The following TRAP1 variants were observed in gnomAD, a reference collection of about 807,000 sequenced individuals.
TRAP1 encodes TNF receptor associated protein 1.
A neutral mutation model predicts 89.1 loss-of-function variants in TRAP1; 102 were observed. The observed-to-expected ratio is 1.15, with a 90% CI of 0.98 to 1.35. The LOEUF is 1.35. Among genes scored for constraint, TRAP1 ranks in the 40% most tolerant of loss-of-function variants. The pLI is 0.00. For missense variants in TRAP1, 1,256 were observed against 945.3 expected, an observed-to-expected ratio of 1.33 and a Z score of -4.31; for synonymous variants, 508 against 388.0, an observed-to-expected ratio of 1.31 and a Z score of -3.64.
intron 1 of TRAP1, among the ~76,000 whole-genome samples, chr16:3,705,922 A>T (rs1567245325): frequency 6.6e-6 from 1 of 150,508 alleles, no homozygotes; most frequent in East Asian, 2.0e-4. Context: ...CAAACTCCTG[A>T]CCTCAGGTGA....
chr16:3,666,314 T>C (rs1596701699), intron 11 of TRAP1, among the ~76,000 whole-genome samples, 196 bp from the exon 12 acceptor site: 2 of 151,840 alleles, frequency 1.3e-5, no homozygotes. Context: ...GGCAGCAGGG[T>C]GGAGGGCAGA....
intron 16 of TRAP1, chr16:3,660,223 G>A (rs191504544): frequency 1.3e-5 from 2 of 152,394 alleles, no homozygotes; most frequent in Admixed American, 1.3e-4. Context: ...CATAATCTCT[G>A]CAGAAATACA....
In TRAP1 at chr16:3,662,261, C is replaced by G. The variant is rs533388792; in HGVS notation, c.1795-129G>C. On this transcript the variant is annotated intron_variant, in intron 15 of 17. Transcript: ENST00000246957. ...CGGGGTCTCAAGGACTCCCCTGGACCAGCGCTGCTCCCTCCCCATTACCCA... is the reference window on the plus strand; with the variant it reads ...CGGGGTCTCAAGGACTCCCCTGGACGAGCGCTGCTCCCTCCCCATTACCCA... 363 of 1,098,236 alleles carry G rather than the reference C, an allele frequency of 3.3e-4. 6 individuals carry two copies. In the East Asian group the frequency reaches 9.3e-3, roughly 28 times the overall value. The allele number at this position is 1,098,236 out of a possible 1,614,324, so 68.0% of individuals were successfully genotyped here.
At chr16:3,693,169 G>C (rs1054615732) in intron 1 of TRAP1, among the ~76,000 whole-genome samples, 3 of 151,364 alleles carry the variant, frequency 2.0e-5, no homozygotes, top group African/African-American at 7.3e-5. Flanking sequence ...GGCTGCTCTC[G>C]AACTATTGAC....
Position 3,689,240 on chromosome 16 carries a change from A to T in TRAP1, c.248-103T>A. On this transcript the variant is annotated intron_variant, in intron 2 of 17. Transcript: ENST00000246957. The stretch of plus-strand genomic sequence containing the variant: ...AGAAAGCTTAAGTTTATGAGTTTTA[A>T]ACTTTTTTTTTTTTTTTTTTTTGAG... 5.1e-6 allele frequency: 5 copies of T among 977,706 alleles called. No homozygotes were observed. The South Asian group carries it at 7.1e-5, about 14-fold the overall frequency. 60.6% of individuals were successfully genotyped at this position (977,706 alleles called of 1,614,324 possible). A position where few individuals can be genotyped will look rare whatever the true frequency, so the allele number is the denominator to read the frequency against.
At chr16:3,710,019 T>C (rs2051506799) in intron 1 of TRAP1, among the ~76,000 whole-genome samples, 1 of 152,242 alleles carries the variant, frequency 6.6e-6, no homozygotes, top group African/African-American at 2.4e-5. Context: ...TCTGAGTTCT[T>C]AGCTCTGGCA....
Position 3,679,726 on chromosome 16 carries a change from C to G in TRAP1, c.536G>C (p.Gly179Ala), listed in dbSNP as rs772439496. Residue 179 changes from glycine to alanine, a missense_variant, in exon 5 of 18, where the codon GGG (glycine) becomes GCG (alanine). Gly to Ala is a moderately conservative substitution (Grantham distance 60). Transcript: ENST00000246957. ...TGGGGGCCCCACGCTTACCTTTGACCCCGATCTGGCAATCGTCCCCAGGTT... is the reference window on the plus strand; with the variant it reads ...TGGGGGCCCCACGCTTACCTTTGACGCCGATCTGGCAATCGTCCCCAGGTT... ...VSNLGTIARS[G>A]SKAFLDALQN... The G allele has an allele frequency of 6.2e-7, 1 of 1,614,102 alleles. No homozygotes were observed. The highest frequency in any genetic ancestry group is 2.2e-5 in the East Asian group (1 of 44,880).
At chr16:3,708,856 C>T (rs2051487183) in intron 1 of TRAP1, among the ~76,000 whole-genome samples, 1 of 143,236 alleles carries the variant, frequency 7.0e-6, no homozygotes, top group African/African-American at 2.6e-5. Flanking sequence ...TGCTCTGTTG[C>T]CGAGGCTGGA....
At chr16:3,661,924 G>T (rs1036397056) in intron 16 of TRAP1, 63 bp downstream of exon 16, 3 of 1,512,114 alleles carry the variant, frequency 2.0e-6, no homozygotes, top group Non-Finnish European at 2.6e-6. Context: ...CACAACAAAA[G>T]AACACCACAC....
intron 9 of TRAP1, among the ~76,000 whole-genome samples, chr16:3,673,255 T>C (rs925285680): frequency 6.6e-6 from 1 of 152,234 alleles, no homozygotes; most frequent in South Asian, 2.1e-4. Context: ...GACGTGAAGA[T>C]GAAACTCAAA....
chr16:3,691,044 T>C, intron 1 of TRAP1, 59 bp from the exon 2 acceptor site: 1 of 1,400,530 alleles, frequency 7.1e-7, no homozygotes, highest in African/African-American at 1.5e-5. Flanking sequence ...AACAATATGG[T>C]AATTCGTCCC....
intron 16 of TRAP1, chr16:3,661,262 G>A (rs756826063): frequency 6.6e-6 from 1 of 152,028 alleles, no homozygotes; most frequent in Non-Finnish European, 1.5e-5. Context: ...ACTGTAAAAA[G>A]AAAGAAACTC....
In TRAP1 at chr16:3,717,452, C is replaced by T. The variant is rs1567251424; in HGVS notation, c.57G>A (p.Leu19=). ...LLWGRRLRPL[L]RAPALAAVPG... is the part of the protein sequence containing the mutation. ...GCACGGCCGCCAGCGCCGGCGCCCG[C>T]AGCAAAGGCCGCAGGCGGCGGCCCC... The change falls in exon 1 of 18, where the codon CTG becomes CTA. Residue 19 remains leucine (L), a synonymous_variant. Transcript: ENST00000246957. 1.6e-6 allele frequency: 2 copies of T among 1,285,412 alleles called. No homozygotes were observed. The highest frequency in any genetic ancestry group is 2.0e-6 in the Non-Finnish European group (2 of 1,023,930). The allele number at this position is 1,285,412 out of a possible 1,614,324, so 79.6% of individuals were successfully genotyped here.
At chr16:3,704,434 T>C (rs984705113) in intron 1 of TRAP1, 9 of 152,240 alleles carry the variant, frequency 5.9e-5, no homozygotes, top group Non-Finnish European at 1.3e-4. Context: ...TTTTAAACTA[T>C]TCTCATTCTA....
rs927120990 is a variant in TRAP1 at position 3,672,589 on chromosome 16, G to A, written c.1165+111C>T. 3.7e-5 allele frequency: 53 copies of A among 1,437,188 alleles called. No homozygotes were observed. The African/African-American group carries it at 4.0e-4, about 11-fold the overall frequency. 89.0% of individuals were successfully genotyped at this position (1,437,188 alleles called of 1,614,324 possible). On this transcript the variant is annotated intron_variant, in intron 10 of 17. Coordinates refer to ENST00000246957, the MANE Select transcript of TRAP1 (RefSeq NM_016292.3). ...CACACAGGCAGCGCAGGCCGACGGCGGTGCTCTCGCTGCAGAGGGCTGCTG... is the reference window on the plus strand; with the variant it reads ...CACACAGGCAGCGCAGGCCGACGGCAGTGCTCTCGCTGCAGAGGGCTGCTG...
intron 1 of TRAP1, among the ~76,000 whole-genome samples, chr16:3,707,372 A>T (rs2151282691): frequency 6.6e-6 from 1 of 151,106 alleles, no homozygotes; most frequent in Non-Finnish European, 1.5e-5. Flanking sequence ...TTTTTAGTAG[A>T]GACGGGGTTT....
chr16:3,694,907 G>A (rs2051265923), intron 1 of TRAP1, among the ~76,000 whole-genome samples: 1 of 152,164 alleles, frequency 6.6e-6, no homozygotes, highest in Non-Finnish European at 1.5e-5. Context: ...AGATCAAGGT[G>A]CCACTAGGGC....
intron 1 of TRAP1, among the ~76,000 whole-genome samples, chr16:3,697,081 T>A (rs2051297871): frequency 1.3e-5 from 2 of 152,152 alleles, no homozygotes; most frequent in Non-Finnish European, 2.9e-5. Flanking sequence ...TCCACAGAGA[T>A]CCTATCAGTT....
rs2151258142 is a variant in TRAP1, at chr16:3,677,568, C to T, written c.634G>A (p.Ala212Thr). Residue 212 changes from alanine to threonine, a missense_variant, in exon 6 of 18, where the codon GCT becomes ACT. By Grantham distance (58) the Ala-to-Thr change is moderately conservative (BLOSUM62 0). Transcript: ENST00000246957. Reference sequence around the variant, plus strand: ...CGGGAATAGACCTCCACTCTGTCAGCCACCATGAAAGCTGAGTAGAAACCC... The same window carrying T: ...CGGGAATAGACCTCCACTCTGTCAGTCACCATGAAAGCTGAGTAGAAACCC... ...GVGFYSAFMV[A>T]DRVEVYSRSA... The T allele has an allele frequency of 1.9e-6, 3 of 1,614,170 alleles. No individual in the cohort carries two copies. Among genetic ancestry groups the T allele is most frequent in the African/African-American group, 1.3e-5 (1 of 75,040 alleles).
Sources: allele counts gnomAD v4.1 joint callset (sites outside exome capture counted in the v4.1 genomes callset), GRCh38; gene constraint gnomAD v4.1.1; transcripts MANE v1.5; gene names NCBI Gene and HGNC (gene_info 2026-07-23, HGNC 2026-07-21).